Variants in NRG3 observed in about 807,000 individuals in gnomAD.
NRG3 encodes the protein pro-neuregulin-3, membrane-bound isoform.
NRG3 carries 31 observed loss-of-function variants against 66.9 expected under a neutral mutation model. That is an observed-to-expected ratio of 0.46 (90% CI 0.35 to 0.63). The LOEUF (loss-of-function observed/expected upper bound fraction) is 0.63. Among genes scored for constraint, NRG3 ranks in the 20% least tolerant of loss-of-function variants. The pLI is 0.00. For synonymous variants in NRG3, 393 were observed against 359.4 expected, an observed-to-expected ratio of 1.09 and a Z score of -1.06; for missense variants, 910 against 878.9, an observed-to-expected ratio of 1.04 and a Z score of -0.45.
At chr10:82,344,066 T>C (rs1483558715) in intron 1 of NRG3, among the ~76,000 whole-genome samples, 1 of 104,226 alleles carries the variant, frequency 9.6e-6, no homozygotes, top group Non-Finnish European at 1.9e-5. Context: ...TTTTTCTTTC[T>C]TTTTTTTTTA....
intron 1 of NRG3, among the ~76,000 whole-genome samples, chr10:82,296,348 C>G (rs936663009): frequency 6.6e-6 from 1 of 152,126 alleles, no homozygotes; most frequent in Admixed American, 6.5e-5. Flanking sequence ...ATCTGACAAA[C>G]CATCCTTCCT....
intron 2 of NRG3, among the ~76,000 whole-genome samples, chr10:82,575,304 A>G (rs760485995): frequency 6.6e-6 from 1 of 151,770 alleles, no homozygotes; most frequent in Non-Finnish European, 1.5e-5. Flanking sequence ...GAAAGTTGAT[A>G]ATCCTGGGGG....
chr10:82,349,931 G>A (rs1053903793), intron 1 of NRG3, among the ~76,000 whole-genome samples: 2 of 152,048 alleles, frequency 1.3e-5, no homozygotes, highest in Non-Finnish European at 2.9e-5. Flanking sequence ...GCTCGCGCAC[G>A]GTGCGCGCAC....
chr10:82,559,753 A>G (rs2044905212), intron 2 of NRG3, among the ~76,000 whole-genome samples: 1 of 152,184 alleles, frequency 6.6e-6, no homozygotes, highest in Non-Finnish European at 1.5e-5. Flanking sequence ...TGCTCTTGTC[A>G]CTAAACAGTA....
chr10:81,900,048 A>T (rs1245283816), intron 1 of NRG3, among the ~76,000 whole-genome samples: 1 of 151,850 alleles, frequency 6.6e-6, no homozygotes, highest in Admixed American at 6.6e-5. Context: ...CCCGTGTCCA[A>T]ATGATTCTCC....
chr10:82,517,023 T>A (rs933593434), intron 2 of NRG3, among the ~76,000 whole-genome samples: 33 of 152,234 alleles, frequency 2.2e-4, no homozygotes, highest in East Asian at 7.7e-4. Context: ...TTAATTTTTT[T>A]AAAAAAATGG....
chr10:82,809,961 T>G (rs990544914), intron 3 of NRG3, among the ~76,000 whole-genome samples: 8 of 151,972 alleles, frequency 5.3e-5, no homozygotes, highest in African/African-American at 1.9e-4. Flanking sequence ...TTCTTATAAC[T>G]TGTTGATTTT....
Position 82,305,119 on chromosome 10 carries a change from C to G in NRG3, c.824-53620C>G, listed in dbSNP as rs369762250. On this transcript the variant is annotated intron_variant, in intron 1 of 8. Transcript: ENST00000372141. Reference sequence around the variant, plus strand: ...ACGCCATTCTCCTGCCTCAGCCTCCCGAGTAGCTGGGACTACAGGCGCCCA... The same window carrying G: ...ACGCCATTCTCCTGCCTCAGCCTCCGGAGTAGCTGGGACTACAGGCGCCCA... Among the ~76,000 whole-genome samples the G allele has an allele frequency of 6.0e-5, 9 of 151,008 alleles. No homozygotes were observed. The South Asian group carries it at 1.5e-3, about 25-fold the overall frequency.
chr10:82,472,311 A>G (rs1008494235), intron 2 of NRG3, among the ~76,000 whole-genome samples: 1 of 152,208 alleles, frequency 6.6e-6, no homozygotes, highest in Non-Finnish European at 1.5e-5. Context: ...AGATACAGCA[A>G]GGAAGCCCCT....
At chr10:82,246,805 G>A (rs2077267911) in intron 1 of NRG3, among the ~76,000 whole-genome samples, 2 of 152,124 alleles carry the variant, frequency 1.3e-5, no homozygotes, top group African/African-American at 4.8e-5. Context: ...GAGTCACTGG[G>A]TCTGAGTGTG....
chr10:82,117,323 C>A (rs1002568036), intron 1 of NRG3, among the ~76,000 whole-genome samples: 1 of 152,092 alleles, frequency 6.6e-6, no homozygotes, highest in African/African-American at 2.4e-5. Context: ...ACTCATCTTT[C>A]CTGTTCCCAA....
intron 7 of NRG3, among the ~76,000 whole-genome samples, chr10:82,978,141 G>C (rs1852479837): frequency 6.6e-6 from 1 of 152,140 alleles, no homozygotes; most frequent in Non-Finnish European, 1.5e-5. Flanking sequence ...GGTCAATTCA[G>C]TGGGGTGGAG....
chr10:82,914,246 C>A (rs1293452420), intron 4 of NRG3, among the ~76,000 whole-genome samples: 1 of 151,960 alleles, frequency 6.6e-6, no homozygotes, highest in African/African-American at 2.4e-5. Flanking sequence ...CAGTTAAATT[C>A]ATTTTCTGAT....
intron 3 of NRG3, among the ~76,000 whole-genome samples, chr10:82,807,650 A>G (rs976430909): frequency 6.6e-6 from 1 of 152,222 alleles, no homozygotes; most frequent in African/African-American, 2.4e-5. Context: ...GTGCCACCCC[A>G]AAGCAAACTG....
At chr10:82,101,803 G>T (rs947799718) in intron 1 of NRG3, among the ~76,000 whole-genome samples, 1 of 151,136 alleles carries the variant, frequency 6.6e-6, no homozygotes, top group Non-Finnish European at 1.5e-5. Flanking sequence ...ATTACTGTTG[G>T]ATTATTTTCT....
chr10:82,774,770 T>A (rs2059835561), intron 3 of NRG3, among the ~76,000 whole-genome samples: 1 of 151,310 alleles, frequency 6.6e-6, no homozygotes, highest in African/African-American at 2.4e-5. Context: ...TCTATTTGAT[T>A]TATGTTCTGA....
Position 82,408,626 on chromosome 10 carries a change from A to G in NRG3, c.953+49758A>G, listed in dbSNP as rs1377741679. 1.8e-5 allele frequency among the ~76,000 whole-genome samples: 2 copies of G among 112,948 alleles called. 1 individual carries two copies. The highest frequency in any genetic ancestry group is 3.3e-5 in the Non-Finnish European group (2 of 61,082). 74.1% of individuals were successfully genotyped at this position (112,948 alleles called of 152,430 possible). On this transcript the variant is annotated intron_variant, in intron 2 of 8. Transcript: ENST00000372141. ...AAAATGACAAAACTATACATTTCAT[A>G]TATATATTATATATATATATATATT... is the stretch of plus-strand genomic sequence containing the variant.
Position 81,952,279 on chromosome 10 carries a change from C to T in NRG3, c.823+76116C>T, listed in dbSNP as rs144383341. 3.6e-3 allele frequency among the ~76,000 whole-genome samples: 541 copies of T among 152,116 alleles called. 5 individuals carry two copies. Among genetic ancestry groups the T allele is most frequent in the African/African-American group, 0.012 (516 of 41,490 alleles). On this transcript the variant is annotated intron_variant, in intron 1 of 8. Coordinates refer to ENST00000372141, the MANE Select transcript of NRG3 (RefSeq NM_001010848.4). ...TCATGCCACTTATTATGCCTTAGTC[C>T]GGTCCACTAAAACAAACACAAAGTT...
chr10:82,466,117 C>A (rs1840655693), intron 2 of NRG3, among the ~76,000 whole-genome samples: 1 of 152,292 alleles, frequency 6.6e-6, no homozygotes, highest in Non-Finnish European at 1.5e-5. Context: ...GCACCTGTGT[C>A]TGGCTTTTCT....
Sources: gnomAD v4.1 joint callset for allele counts (sites outside exome capture counted in the v4.1 genomes callset) on GRCh38, gnomAD v4.1.1 for gene constraint, MANE v1.5 for transcripts, NCBI Gene and HGNC (gene_info 2026-07-23, HGNC 2026-07-21) for gene names.